The following BLTP1 variants were observed in gnomAD, a reference collection of about 807,000 sequenced individuals.
BLTP1 encodes the protein fragile site-associated protein.
At chr4:122,327,243 C>CTTA in the BLTP1 span, among the ~76,000 whole-genome samples, 1 of 151,006 alleles carries the variant, frequency 6.6e-6, no homozygotes, top group African/African-American at 2.4e-5. Flanking sequence ...TTCTAGGACC[C>CTTA]CCATGCATAC....
At chr4:122,263,200 T>G in the BLTP1 span, 1 of 985,084 alleles carries the variant, frequency 1.0e-6, no homozygotes, top group Non-Finnish European at 1.2e-6. Context: ...CTGACGAATG[T>G]CAATGTAGGC....
the BLTP1 span, among the ~76,000 whole-genome samples, chr4:122,195,126 A>T: frequency 6.6e-6 from 1 of 152,216 alleles, no homozygotes; most frequent in Non-Finnish European, 1.5e-5. Flanking sequence ...GCATACAGAA[A>T]GAAATCTCAG....
At chr4:122,160,950 C>T in the BLTP1 span, 1 of 160,684 alleles carries the variant, frequency 6.2e-6, no homozygotes, top group South Asian at 2.0e-4. Flanking sequence ...GTTTGGTCTG[C>T]AACATTTAAT....
At chr4:122,322,102 T>G in the BLTP1 span, among the ~76,000 whole-genome samples, 1 of 150,334 alleles carries the variant, frequency 6.7e-6, no homozygotes, top group African/African-American at 2.4e-5. Context: ...TCAGTCATTA[T>G]TGGTTCAGAT....
the BLTP1 span, among the ~76,000 whole-genome samples, chr4:122,252,074 G>A: frequency 6.6e-6 from 1 of 152,166 alleles, no homozygotes; most frequent in African/African-American, 2.4e-5. Flanking sequence ...CTGCATTGAA[G>A]GAAAGGACCC....
the BLTP1 span, chr4:122,301,417 A>G: frequency 6.9e-7 from 1 of 1,442,828 alleles, no homozygotes; most frequent in South Asian, 1.4e-5. Context: ...ATATAATGAT[A>G]CTTTTATAAA....
chr4:122,195,220 T>C, the BLTP1 span, among the ~76,000 whole-genome samples: 1 of 152,228 alleles, frequency 6.6e-6, no homozygotes, highest in Admixed American at 6.5e-5. Context: ...ATAGATTTTA[T>C]AATCATAACA....
the BLTP1 span, chr4:122,184,647 A>C: frequency 1.0e-6 from 1 of 981,220 alleles, no homozygotes; most frequent in Non-Finnish European, 1.2e-6. Context: ...CTCAAAAAAA[A>C]ACCAAAAAAC....
the BLTP1 span, chr4:122,187,288 A>G: frequency 3.6e-6 from 5 of 1,404,692 alleles, no homozygotes; most frequent in South Asian, 9.0e-5. Context: ...TCAGATGATC[A>G]TTGTTCTGTT....
chr4:122,357,082 C>T, the BLTP1 span: 1 of 957,382 alleles, frequency 1.0e-6, no homozygotes. Context: ...GAAACAACTA[C>T]ATAATAAAGA....
chr4:122,197,147 AATAATT>A, the BLTP1 span: 4 of 831,094 alleles, frequency 4.8e-6, no homozygotes, highest in East Asian at 3.0e-5. Context: ...AAGATGGGAG[AATAATT>A]ATAATTAATG....
At chr4:122,271,481 C>T in the BLTP1 span, 3 of 1,613,286 alleles carry the variant, frequency 1.9e-6, no homozygotes, top group Non-Finnish European at 2.5e-6. Flanking sequence ...AAAGGAATCT[C>T]GAAACAAGAA....
the BLTP1 span, chr4:122,227,507 C>T: frequency 1.2e-5 from 12 of 982,904 alleles, no homozygotes; most frequent in Non-Finnish European, 1.4e-5. Context: ...GAAAACATGG[C>T]TGTTTCAAAA....
At chr4:122,180,799 T>C in the BLTP1 span, among the ~76,000 whole-genome samples, 2 of 152,248 alleles carry the variant, frequency 1.3e-5, no homozygotes, top group Non-Finnish European at 2.9e-5. Context: ...GACAAAACAG[T>C]CTACTGACCT....
the BLTP1 span, chr4:122,229,695 T>C: frequency 1.0e-6 from 1 of 960,386 alleles, no homozygotes; most frequent in Non-Finnish European, 1.2e-6. Context: ...GGATTTCTGC[T>C]TTTTTCCTTT....
the BLTP1 span, among the ~76,000 whole-genome samples, chr4:122,268,089 A>G: frequency 6.6e-6 from 1 of 152,148 alleles, no homozygotes; most frequent in East Asian, 1.9e-4. Context: ...CTACAAGGCA[A>G]TTTTAATAAT....
At chr4:122,280,600 T>C in the BLTP1 span, among the ~76,000 whole-genome samples, 1 of 150,204 alleles carries the variant, frequency 6.7e-6, no homozygotes, top group Non-Finnish European at 1.5e-5. Context: ...GAGGCAGAGG[T>C]TGCAGTGAGC....
chr4:122,340,626 T>G, the BLTP1 span: 3 of 569,954 alleles, frequency 5.3e-6, no homozygotes, highest in Non-Finnish European at 6.7e-6. Flanking sequence ...GTGTGAATCT[T>G]TGAAAGTTTT....
chr4:122,331,746 G>A, the BLTP1 span: 1 of 980,498 alleles, frequency 1.0e-6, no homozygotes, highest in Non-Finnish European at 1.2e-6. Flanking sequence ...AGAAATGGAT[G>A]TCTGACTTAG....
Sources: allele counts gnomAD v4.1 joint callset (sites outside exome capture counted in the v4.1 genomes callset), GRCh38; gene constraint gnomAD v4.1.1; transcripts MANE v1.5; gene names NCBI Gene and HGNC (gene_info 2026-07-23, HGNC 2026-07-21).